The following RIPOR1 variants were observed in gnomAD, a reference collection of about 807,000 sequenced individuals.
RIPOR1 encodes the protein rho family-interacting cell polarization regulator 1.
A neutral mutation model predicts 116.5 loss-of-function variants in RIPOR1; 58 were observed. The ratio of observed to expected loss-of-function variants is 0.50; its 90% CI spans 0.40 to 0.62. The LOEUF is 0.62. Ranked by LOEUF, RIPOR1 falls within the 20% of genes least tolerant of loss-of-function variation. The pLI is 0.00. For synonymous variants in RIPOR1, 605 were observed against 650.0 expected, an observed-to-expected ratio of 0.93 and a Z score of 1.05; for missense variants, 1,372 against 1,586.2, an observed-to-expected ratio of 0.86 and a Z score of 2.29.
In RIPOR1 at chr16:67,546,469, T is replaced by A; in HGVS notation, c.*6T>A. 6.2e-7 allele frequency: 1 copy of A among 1,612,556 alleles called. No homozygotes were observed. Among genetic ancestry groups the A allele is most frequent in the South Asian group, 1.1e-5 (1 of 91,034 alleles). Reference sequence around the variant, plus strand: ...TGGCCAGCACAGCATTCTAAACTATTCACCCATGGGTTCCTGGTGCCCCTT... The same window carrying A: ...TGGCCAGCACAGCATTCTAAACTATACACCCATGGGTTCCTGGTGCCCCTT... On this transcript the variant is annotated 3_prime_UTR_variant, in exon 22 of 22. Transcript: ENST00000042381.
rs1045547329 is a variant in RIPOR1, at chr16:67,531,656, G to A, written c.-24+2742G>A. 1 of 453,892 alleles carries A rather than the reference G, an allele frequency of 2.2e-6. No individual in the cohort carries two copies. Among genetic ancestry groups the A allele is most frequent in the African/African-American group, 2.0e-5 (1 of 49,942 alleles). The allele number at this position is 453,892 out of a possible 1,614,324, so 28.1% of individuals were successfully genotyped here. On this transcript the variant is annotated intron_variant, in intron 1 of 21. Transcript: ENST00000042381. The surrounding 1 kb of genome is among the most constrained non-coding windows in gnomAD (Gnocchi z 4.2). ...GTATTGAGAGAGGGTCTCAGTTGCT[G>A]GAACAGAGAAAGCAGGGGACTGGGA...
chr16:67,546,008 C>T lies in RIPOR1; in HGVS notation c.3447C>T (p.Gly1149=). 1 of 1,613,518 alleles carries T rather than the reference C, an allele frequency of 6.2e-7. No homozygotes were observed. Among genetic ancestry groups the T allele is most frequent in the Non-Finnish European group, 8.5e-7 (1 of 1,180,010 alleles). The change falls in exon 20 of 22, where the codon GGC becomes GGT. Residue 1149 remains glycine, a synonymous_variant. Coordinates refer to ENST00000042381, the MANE Select transcript of RIPOR1 (RefSeq NM_024519.4). ...EDEDVQTRVA[G]CLALGCIKAP... The stretch of plus-strand genomic sequence containing the variant: ...AGGACGTGCAGACTCGAGTGGCTGG[C>T]TGCCTGGCCCTAGGCTGCATCAAGG...
chr16:67,546,716 G>C lies in RIPOR1; in HGVS notation c.*253G>C. ...GGCTTGGCCACCCTGCCGCTGCCCA[G>C]CCACATCCCTTGGTTTTGTATTTTA... is the stretch of plus-strand genomic sequence containing the variant. On this transcript the variant is annotated 3_prime_UTR_variant, in exon 22 of 22. Coordinates refer to ENST00000042381, the MANE Select transcript of RIPOR1 (RefSeq NM_024519.4). The C allele has an allele frequency of 5.3e-6, 3 of 564,650 alleles. No homozygotes were observed. The highest frequency in any genetic ancestry group is 3.2e-6 in the Non-Finnish European group (1 of 316,728). 35.0% of individuals were successfully genotyped at this position (564,650 alleles called of 1,614,324 possible).
rs765457861 is a variant in RIPOR1, at chr16:67,545,676, G to A, written c.3203G>A (p.Arg1068Gln). ...TETAEEVLLVRNLNSDDQAVV... is the reference protein window; with the variant it reads ...TETAEEVLLVQNLNSDDQAVV... ...CCCCTTTTTTCAGTGCTACTGGTGCGGAATCTGAACTCGGATGATCAGGCT... is the reference window on the plus strand; with the variant it reads ...CCCCTTTTTTCAGTGCTACTGGTGCAGAATCTGAACTCGGATGATCAGGCT... Residue 1068 changes from arginine (R) to glutamine (Q), a missense_variant, in exon 19 of 22, where the codon CGG becomes CAG. By Grantham distance (43) the Arg-to-Gln change is conservative. This residue lies in a region of RIPOR1 where 1,005 missense variants were observed against 1,144.7 expected (regional missense o/e 0.88). Transcript: ENST00000042381. This position sits in a 1 kb window ranked among gnomAD's most constrained non-coding sequence, Gnocchi z 4.8. 3.9e-5 allele frequency: 61 copies of A among 1,568,930 alleles called. No individual in the cohort carries two copies. Among genetic ancestry groups the A allele is most frequent in the African/African-American group, 5.4e-5 (4 of 73,552 alleles).
In RIPOR1 at chr16:67,545,113, G is replaced by A; in HGVS notation, c.3027G>A (p.Glu1009=). The part of the protein sequence containing the change: ...RLSLRQPGLA[E]AVCVKFLEDA... ...CCCTGCGCCAGCCAGGCTTGGCTGA[G>A]GCTGGTGAGTGGGCTGCTTCCTCCT... Residue 1009 remains glutamate, a synonymous_variant, in exon 17 of 22, where the codon GAG becomes GAA. Coordinates refer to ENST00000042381, the MANE Select transcript of RIPOR1 (RefSeq NM_024519.4). The surrounding 1 kb of genome is among the most constrained non-coding windows in gnomAD (Gnocchi z 4.8). 6.2e-7 allele frequency: 1 copy of A among 1,611,988 alleles called. No individual in the cohort carries two copies. Among genetic ancestry groups the A allele is most frequent in the East Asian group, 2.2e-5 (1 of 44,878 alleles).
Position 67,546,225 on chromosome 16 carries a change from C to G in RIPOR1, c.3556C>G (p.Gln1186Glu). 6.8e-6 allele frequency: 11 copies of G among 1,614,010 alleles called. No homozygotes were observed. The highest frequency in any genetic ancestry group is 9.3e-6 in the Non-Finnish European group (11 of 1,179,992). The change falls in exon 21 of 22, where the codon CAG (glutamine) becomes GAG (glutamate). Residue 1186 changes from glutamine (Q) to glutamate (E), a missense_variant. Around this residue, in one of 3 missense-constraint regions of RIPOR1, gnomAD observed 1,005 missense variants for 1,144.7 expected, o/e 0.88. Transcript: ENST00000042381. ...GGAAGCTGCCCGGCAAAGCCTACAG[C>G]AGTGTGGTGAGGCTGGGGGATGGAA... ...VREAARQSLQ[Q>E]CGEEGQSAHR...
Position 67,541,320 on chromosome 16 carries a change from T to C in RIPOR1, c.802-110T>C. ...CCTGGCCTTAAGTGATCCTCCTGCC[T>C]CAGCCTCCCATGACCATTTTATAAG... On this transcript the variant is annotated intron_variant, in intron 10 of 21. Coordinates refer to ENST00000042381, the MANE Select transcript of RIPOR1 (RefSeq NM_024519.4). This position sits in a 1 kb window ranked among gnomAD's most constrained non-coding sequence, Gnocchi z 4.6. 8.0e-7 allele frequency: 1 copy of C among 1,255,144 alleles called. No individual in the cohort carries two copies. The highest frequency in any genetic ancestry group is 1.1e-6 in the Non-Finnish European group (1 of 903,068). 77.8% of individuals were successfully genotyped at this position (1,255,144 alleles called of 1,614,324 possible). A position where few individuals can be genotyped will look rare whatever the true frequency, so the allele number is the denominator to read the frequency against.
Position 67,544,816 on chromosome 16 carries a change from G to A in RIPOR1, c.2855G>A (p.Ser952Asn). 1.3e-6 allele frequency: 2 copies of A among 1,595,584 alleles called. No homozygotes were observed. Among genetic ancestry groups the A allele is most frequent in the Non-Finnish European group, 1.7e-6 (2 of 1,167,002 alleles). ...EFSRRWEIPA[S>N]SAQEVVQFSA... Reference sequence around the variant, plus strand: ...AGCAGGCGGTGGGAGATCCCGGCCAGCTCTGCCCAGGAAGGTAAAGGCCCT... The same window carrying A: ...AGCAGGCGGTGGGAGATCCCGGCCAACTCTGCCCAGGAAGGTAAAGGCCCT... Residue 952 changes from serine to asparagine, a missense_variant, in exon 16 of 22, where the codon AGC (serine) becomes AAC (asparagine). Physicochemically the swap from Ser to Asn is conservative, Grantham distance 46. Coordinates refer to ENST00000042381, the MANE Select transcript of RIPOR1 (RefSeq NM_024519.4). The surrounding 1 kb of genome is among the most constrained non-coding windows in gnomAD (Gnocchi z 5.1).
Position 67,542,456 on chromosome 16 carries a change from C to A in RIPOR1, c.1670C>A (p.Thr557Asn). 6.2e-7 allele frequency: 1 copy of A among 1,613,858 alleles called. No individual in the cohort carries two copies. The highest frequency in any genetic ancestry group is 1.6e-4 in the Middle Eastern group (1 of 6,062). Residue 557 changes from threonine (T) to asparagine (N), a missense_variant, in exon 13 of 22, where the codon ACC (threonine) becomes AAC (asparagine). Thr to Asn is a moderately conservative substitution (Grantham distance 65). Coordinates refer to ENST00000042381, the MANE Select transcript of RIPOR1 (RefSeq NM_024519.4). The surrounding 1 kb of genome is among the most constrained non-coding windows in gnomAD (Gnocchi z 4.6). ...ACAGGCTCTACCTATAGTGCCATTA[C>A]CACTACCCACAGTGCTCCAAGCCCC... ...TTTGSTYSAI[T>N]TTHSAPSPLT...
In RIPOR1 at chr16:67,545,756, C is replaced by A; in HGVS notation, c.3283C>A (p.Leu1095Met). 1 of 1,612,348 alleles carries A rather than the reference C, an allele frequency of 6.2e-7. No individual in the cohort carries two copies. Among genetic ancestry groups the A allele is most frequent in the Non-Finnish European group, 8.5e-7 (1 of 1,179,200 alleles). ...CGAGGGGCGTCTGCGAAGGGACGGG[C>A]TGCGGGCCCTCAGCTCCCTGCTCGT... is the stretch of plus-strand genomic sequence containing the variant. The part of the protein sequence containing the change: ...APEGRLRRDG[L>M]RALSSLLVHG... The change falls in exon 19 of 22, where the codon CTG becomes ATG. Residue 1095 changes from leucine to methionine, a missense_variant. Leu to Met is a conservative substitution (Grantham distance 15). Transcript: ENST00000042381. This position sits in a 1 kb window ranked among gnomAD's most constrained non-coding sequence, Gnocchi z 4.8.
intron 1 of RIPOR1, among the ~76,000 whole-genome samples, chr16:67,532,389 C>T (rs1038227014): frequency 1.3e-5 from 2 of 151,740 alleles, no homozygotes; most frequent in Non-Finnish European, 2.9e-5. Context: ...ATCGCTTGAG[C>T]CCAGGAGTTC....
Position 67,543,605 on chromosome 16 carries a change from T to A in RIPOR1, c.2600+136T>A. ...GTGAGGCAGGGCCAGGTGGAGCATG[T>A]GAGGACTGAGTTGCTGGCAGGTGCA... On this transcript the variant is annotated intron_variant, in intron 14 of 21. Coordinates refer to ENST00000042381, the MANE Select transcript of RIPOR1 (RefSeq NM_024519.4). The surrounding 1 kb of genome is among the most constrained non-coding windows in gnomAD (Gnocchi z 4.7). The A allele has an allele frequency of 5.5e-6, 7 of 1,275,518 alleles. No homozygotes were observed. Among genetic ancestry groups the A allele is most frequent in the Non-Finnish European group, 7.6e-6 (7 of 925,964 alleles). 79.0% of individuals were successfully genotyped at this position (1,275,518 alleles called of 1,614,324 possible).
chr16:67,530,076 G>A lies in RIPOR1; in HGVS notation c.-24+1162G>A. The A allele has an allele frequency of 1.6e-6, 1 of 606,104 alleles. No individual in the cohort carries two copies. The highest frequency in any genetic ancestry group is 1.9e-5 in the South Asian group (1 of 53,264). 37.5% of individuals were successfully genotyped at this position (606,104 alleles called of 1,614,324 possible). A position where few individuals can be genotyped will look rare whatever the true frequency, so the allele number is the denominator to read the frequency against. On this transcript the variant is annotated intron_variant, in intron 1 of 21. Transcript: ENST00000042381. The surrounding 1 kb of genome is among the most constrained non-coding windows in gnomAD (Gnocchi z 4.5). ...CTTGGGTCCTGTGACTGCGGCGGGA[G>A]AGAGGAGCAAGGTGAGCCGCCCCAG...
chr16:67,545,303 G>T lies in RIPOR1; in HGVS notation c.3032-73G>T. On this transcript the variant is annotated intron_variant, in intron 17 of 21. Coordinates refer to ENST00000042381, the MANE Select transcript of RIPOR1 (RefSeq NM_024519.4). This position sits in a 1 kb window ranked among gnomAD's most constrained non-coding sequence, Gnocchi z 4.8. ...CAGGGGGCCCCTGGACCTGAGCCTGGGATAGGAGCATCTCTCCCCTCTAAA... is the reference window on the plus strand; with the variant it reads ...CAGGGGGCCCCTGGACCTGAGCCTGTGATAGGAGCATCTCTCCCCTCTAAA... 1 of 1,568,514 alleles carries T rather than the reference G, an allele frequency of 6.4e-7. No individual in the cohort carries two copies.
chr16:67,545,909 C>T lies in RIPOR1; in HGVS notation c.3388-40C>T. The stretch of plus-strand genomic sequence containing the variant: ...AGGGCGAGGGCTGGGGTCCTGGACT[C>T]CCACTGTCTGGCTAAGTCTGTCCTC... On this transcript the variant is annotated intron_variant, in intron 19 of 21. Coordinates refer to ENST00000042381, the MANE Select transcript of RIPOR1 (RefSeq NM_024519.4). The surrounding 1 kb of genome is among the most constrained non-coding windows in gnomAD (Gnocchi z 4.8). The T allele has an allele frequency of 6.2e-7, 1 of 1,613,394 alleles. No homozygotes were observed. Among genetic ancestry groups the T allele is most frequent in the Non-Finnish European group, 8.5e-7 (1 of 1,179,594 alleles).
chr16:67,537,394 T>C lies in RIPOR1; in HGVS notation c.-23-1030T>C. Reference sequence around the variant, plus strand: ...CCCCGAGGGGAACCCCAGTCACCGGTCCCGCCCCATCCAGGCGGGCTGAGT... The same window carrying C: ...CCCCGAGGGGAACCCCAGTCACCGGCCCCGCCCCATCCAGGCGGGCTGAGT... On this transcript the variant is annotated intron_variant, in intron 1 of 21. Coordinates refer to ENST00000042381, the MANE Select transcript of RIPOR1 (RefSeq NM_024519.4). This position sits in a 1 kb window ranked among gnomAD's most constrained non-coding sequence, Gnocchi z 4.6. The C allele has an allele frequency of 8.1e-7, 1 of 1,236,898 alleles. No homozygotes were observed. The highest frequency in any genetic ancestry group is 3.2e-5 in the East Asian group (1 of 30,858). The allele number at this position is 1,236,898 out of a possible 1,614,324, so 76.6% of individuals were successfully genotyped here.
At chr16:67,538,238 G>T in intron 1 of RIPOR1, 186 bp from the exon 2 acceptor site, 1 of 631,242 alleles carries the variant, frequency 1.6e-6, no homozygotes, top group Non-Finnish European at 2.4e-6. Context: ...TGAGTCCGAG[G>T]CCGAGTCGCC....
At chr16:67,532,302 G>A (rs1026782057) in intron 1 of RIPOR1, among the ~76,000 whole-genome samples, 3 of 152,058 alleles carry the variant, frequency 2.0e-5, no homozygotes, top group African/African-American at 4.8e-5. Flanking sequence ...TACTTAAGAG[G>A]CTAAGGCAGT....
chr16:67,528,060 G>C (rs972559717), upstream of RIPOR1, among the ~76,000 whole-genome samples: 17 of 152,068 alleles, frequency 1.1e-4, no homozygotes, highest in African/African-American at 1.7e-4. Context: ...CAGGTTGGAA[G>C]GGCCAGGGGT....
Sources: allele counts gnomAD v4.1 joint callset (sites outside exome capture counted in the v4.1 genomes callset), GRCh38; gene constraint gnomAD v4.1.1; regional missense constraint gnomAD v4.1.1; non-coding constraint Gnocchi (gnomAD v3.1); transcripts MANE v1.5; gene names NCBI Gene and HGNC (gene_info 2026-07-23, HGNC 2026-07-21).